Variants in ITGA9 observed in about 807,000 individuals in gnomAD.
ITGA9 encodes the protein integrin alpha-9.
In ITGA9, 56 loss-of-function variants were observed where a neutral mutation model predicts 127.8. The ratio of observed to expected loss-of-function variants is 0.44; its 90% confidence interval spans 0.35 to 0.55. The LOEUF is 0.55. Ranked by LOEUF, ITGA9 falls within the 20% of genes least tolerant of loss-of-function variation. The pLI, the probability that ITGA9 is intolerant of heterozygous loss-of-function variation, is 0.00. For synonymous variants in ITGA9, 508 were observed against 514.5 expected (o/e 0.99, Z 0.17); for missense variants, 1,196 against 1,347.1 (o/e 0.89, Z 1.76).
At position 37,736,941 on chromosome 3, in the gene ITGA9, C is replaced by T; in HGVS notation, c.2192C>T (p.Ser731Phe). 6.2e-7 allele frequency: 1 copy of T among 1,613,680 alleles called. No homozygotes were observed. The highest frequency in any genetic ancestry group is 8.5e-7 in the Non-Finnish European group (1 of 1,179,624). Reference sequence around the variant, plus strand: ...GTGATCTTTGATACAAGCCACCTGTCTGGGGAAGAGGAAGTTCTCAGCTTC... The same window carrying T: ...GTGATCTTTGATACAAGCCACCTGTTTGGGGAAGAGGAAGTTCTCAGCTTC... ...FSVIFDTSHL[S>F]GEEEVLSFIV... The change falls in exon 20 of 28, where the codon TCT (serine) becomes TTT (phenylalanine). Residue 731 changes from serine (S) to phenylalanine (F), a missense_variant. Coordinates refer to ENST00000264741, the MANE Select transcript of ITGA9 (RefSeq NM_002207.3).
chr3:37,757,566 C>G (rs1198217720), intron 23 of ITGA9, among the ~76,000 whole-genome samples: 1 of 151,490 alleles, frequency 6.6e-6, no homozygotes, highest in Admixed American at 6.6e-5. Flanking sequence ...TGGGAGGATC[C>G]CTTGAGTCCA....
chr3:37,501,484 A>G (rs1373260831), intron 5 of ITGA9, among the ~76,000 whole-genome samples: 1 of 152,216 alleles, frequency 6.6e-6, no homozygotes, highest in Non-Finnish European at 1.5e-5. Context: ...GCAGAGTTCG[A>G]TGAGTTTTGA....
intron 18 of ITGA9, among the ~76,000 whole-genome samples, chr3:37,731,041 G>A (rs146830240): frequency 3.9e-5 from 6 of 152,174 alleles, no homozygotes; most frequent in Admixed American, 6.5e-5. Context: ...ATGGACTGAA[G>A]GGGAAGGAAA....
intron 5 of ITGA9, among the ~76,000 whole-genome samples, chr3:37,499,337 C>T (rs931320853): frequency 6.6e-6 from 1 of 152,222 alleles, no homozygotes; most frequent in Non-Finnish European, 1.5e-5. Flanking sequence ...CTGCTCATGC[C>T]AACTTGCAGT....
At chr3:37,494,061 G>T (rs1698700313) in intron 4 of ITGA9, among the ~76,000 whole-genome samples, 1 of 152,112 alleles carries the variant, frequency 6.6e-6, no homozygotes, top group African/African-American at 2.4e-5. Context: ...ATGGTAGGAG[G>T]CATCCAAAGC....
At chr3:37,811,229 T>C (rs1405718284) in intron 27 of ITGA9, among the ~76,000 whole-genome samples, 1 of 152,188 alleles carries the variant, frequency 6.6e-6, no homozygotes, top group Non-Finnish European at 1.5e-5. Context: ...AACTTTGAAA[T>C]ATGAAATGCT....
In ITGA9 at chr3:37,559,144, C is replaced by T. The variant is rs115438749; in HGVS notation, c.1689+16559C>T. 6.0e-3 allele frequency among the ~76,000 whole-genome samples: 912 copies of T among 152,304 alleles called. 5 individuals are homozygous for T. The highest frequency in any genetic ancestry group is 9.9e-3 in the Non-Finnish European group (672 of 68,034). The stretch of plus-strand genomic sequence containing the variant: ...GATGGAGTAGGTTCCAGCGTTGTTT[C>T]TTCCTTGCTGTCCATTTCTAAGGAT... On this transcript the variant is annotated intron_variant, in intron 15 of 27. Coordinates refer to ENST00000264741, the MANE Select transcript of ITGA9 (RefSeq NM_002207.3).
chr3:37,571,860 G>C (rs1396634550), intron 15 of ITGA9, among the ~76,000 whole-genome samples: 2 of 151,820 alleles, frequency 1.3e-5, no homozygotes, highest in Non-Finnish European at 2.9e-5. Flanking sequence ...CTGAGGAGCT[G>C]TCATCCTTTA....
rs530318185 is a variant in ITGA9, at chr3:37,533,320, G to A, written c.1380G>A (p.Arg460=). 5.6e-6 allele frequency: 9 copies of A among 1,614,012 alleles called. No homozygotes were observed. The highest frequency in any genetic ancestry group is 7.6e-6 in the Non-Finnish European group (9 of 1,180,034). ...MSDSVVLLRA[R]PVITVDVSIF... ...TTCCTCTCTTGCCCTGCAGAGCAAG[G>A]CCTGTCATTACGGTGGATGTCTCCA... is the stretch of plus-strand genomic sequence containing the variant. The change falls in exon 14 of 28, where the codon AGG becomes AGA. Residue 460 remains arginine, a synonymous_variant. Transcript: ENST00000264741.
intron 17 of ITGA9, among the ~76,000 whole-genome samples, chr3:37,677,028 CTT>C (rs1312210376): frequency 6.6e-6 from 1 of 152,212 alleles, no homozygotes; most frequent in Non-Finnish European, 1.5e-5. Context: ...CATGTAATAA[CTT>C]CAGTCAACAG....
chr3:37,691,243 A>G (rs1700829131), intron 18 of ITGA9, among the ~76,000 whole-genome samples: 1 of 152,064 alleles, frequency 6.6e-6, no homozygotes, highest in Non-Finnish European at 1.5e-5. Flanking sequence ...AGTATCTCTA[A>G]CCTGAGCACC....
At chr3:37,668,811 C>T (rs563094643) in intron 17 of ITGA9, among the ~76,000 whole-genome samples, 79 of 152,328 alleles carry the variant, frequency 5.2e-4, no homozygotes, top group African/African-American at 1.9e-3. Flanking sequence ...TGGCTCTTCA[C>T]GGATGAAAAG....
chr3:37,728,579 G>A (rs1324782884), intron 18 of ITGA9, among the ~76,000 whole-genome samples: 2 of 152,166 alleles, frequency 1.3e-5, no homozygotes, highest in African/African-American at 4.8e-5. Flanking sequence ...TGAATGAAGT[G>A]CTCCCCTAAT....
At chr3:37,774,287 G>C (rs1696878420) in intron 23 of ITGA9, among the ~76,000 whole-genome samples, 1 of 152,180 alleles carries the variant, frequency 6.6e-6, no homozygotes, top group African/African-American at 2.4e-5. Context: ...CTTCATTAAA[G>C]CTCATTGCCT....
chr3:37,545,260 A>G (rs1291017882), intron 15 of ITGA9, among the ~76,000 whole-genome samples: 1 of 152,276 alleles, frequency 6.6e-6, no homozygotes, highest in East Asian at 1.9e-4. Context: ...CTGGCTTATC[A>G]CACACCATAT....
chr3:37,512,194 CTTTTCTTTTCTTTTCTTTCTTTCT>C (rs1698936965), intron 8 of ITGA9, among the ~76,000 whole-genome samples: 1 of 36,746 alleles, frequency 2.7e-5, no homozygotes. Flanking sequence ...CTTTTCTTTT[CTTTTCTTTTCTTTTCTTTCTTTCT>C]TTCTTCTTTC....
intron 27 of ITGA9, among the ~76,000 whole-genome samples, chr3:37,815,608 CAA>C (rs71288088): frequency 0.017 from 1,618 of 92,470 alleles, 24 homozygotes; most frequent in African/African-American, 0.053. Context: ...GACTCTGTCT[CAA>C]AAAAAAAAAA....
intron 1 of ITGA9, among the ~76,000 whole-genome samples, chr3:37,464,506 A>G (rs1027063933): frequency 6.6e-6 from 1 of 152,208 alleles, no homozygotes; most frequent in African/African-American, 2.4e-5. Flanking sequence ...AAACCTTACA[A>G]GAAACCTTCT....
intron 17 of ITGA9, among the ~76,000 whole-genome samples, chr3:37,681,805 G>A (rs984871764): frequency 2.6e-5 from 4 of 151,832 alleles, no homozygotes; most frequent in Admixed American, 6.6e-5. Flanking sequence ...ACTCACCCCT[G>A]TCCTGGGCCC....
Sources: allele counts gnomAD v4.1 joint callset (sites outside exome capture counted in the v4.1 genomes callset), GRCh38; gene constraint gnomAD v4.1.1; transcripts MANE v1.5; gene names NCBI Gene and HGNC (gene_info 2026-07-23, HGNC 2026-07-21).